CYP2C18: variants seen among roughly 807,000 people sequenced by gnomAD.
CYP2C18 encodes cytochrome P450 2C18.
In CYP2C18, 38 loss-of-function variants were observed where a neutral mutation model predicts 41.3. That is an observed-to-expected ratio of 0.92 (90% CI 0.71 to 1.21). The LOEUF (loss-of-function observed/expected upper bound fraction) is 1.21, where lower values mean the gene tolerates loss of function less well. Ranked by LOEUF, CYP2C18 falls within the 50% of genes most tolerant of loss-of-function variation. The pLI is 0.00. For synonymous variants in CYP2C18, 236 were observed against 210.0 expected, an observed-to-expected ratio of 1.12 and a Z score of -1.07; for missense variants, 635 against 591.4, an observed-to-expected ratio of 1.07 and a Z score of -0.77.
chr10:94,721,147 G>A (rs1419863322), intron 6 of CYP2C18, among the ~76,000 whole-genome samples: 3 of 152,008 alleles, frequency 2.0e-5, no homozygotes, highest in Non-Finnish European at 2.9e-5. Flanking sequence ...CTGAGTAGCT[G>A]GGATTACAGG....
chr10:94,735,029 G>C (rs917802638), intron 8 of CYP2C18, among the ~76,000 whole-genome samples: 1 of 152,166 alleles, frequency 6.6e-6, no homozygotes, highest in Non-Finnish European at 1.5e-5. Flanking sequence ...GCATGGCATA[G>C]AGCTGATACT....
intron 5 of CYP2C18, among the ~76,000 whole-genome samples, chr10:94,713,968 T>G (rs1847493942): frequency 6.6e-6 from 1 of 152,246 alleles, no homozygotes; most frequent in Non-Finnish European, 1.5e-5. Flanking sequence ...GTTGGCTGCA[T>G]AAATGTCTTC....
chr10:94,729,724 C>T (rs74152346), intron 7 of CYP2C18, among the ~76,000 whole-genome samples: 3,843 of 152,198 alleles, frequency 0.025, 150 homozygotes, highest in African/African-American at 0.075. Flanking sequence ...CTGAAAGGAA[C>T]ACCAGCATGA....
intron 1 of CYP2C18, 26 bp downstream of exon 1, chr10:94,684,013 TA>T (rs1846836914): frequency 6.4e-7 from 1 of 1,551,190 alleles, no homozygotes; most frequent in Non-Finnish European, 8.8e-7. Context: ...GTTCCTCCAG[TA>T]ATGTACAAGG....
intron 5 of CYP2C18, among the ~76,000 whole-genome samples, chr10:94,716,881 T>C (rs1409271643): frequency 6.6e-6 from 1 of 152,198 alleles, no homozygotes. Context: ...TGGGTGCATA[T>C]ATATTTAGGA....
chr10:94,712,008 A>ATTTTTTTTTTTTTTTTTTTGTTTTTT (rs1847444596), intron 5 of CYP2C18, among the ~76,000 whole-genome samples: 1 of 97,874 alleles, frequency 1.0e-5, no homozygotes, highest in African/African-American at 4.3e-5. Context: ...TGCCCAACTA[A>ATTTTTTTTTTTTTTTTTTTGTTTTTT]TTTTTTTTTT....
chr10:94,717,543 A>G lies in CYP2C18; in HGVS notation c.820-2853A>G, dbSNP rs748971198. Among the ~76,000 whole-genome samples, 36 of 152,040 alleles carry G rather than the reference A, an allele frequency of 2.4e-4. 1 individual carries two copies. The highest frequency in any genetic ancestry group is 2.9e-5 in the Non-Finnish European group (2 of 67,988). Reference sequence around the variant, plus strand: ...CTTCTGGCTTGTATTGCCCAGATCAATGTCCTGTAGTTTTTCCTCAATCTT... The same window carrying G: ...CTTCTGGCTTGTATTGCCCAGATCAGTGTCCTGTAGTTTTTCCTCAATCTT... On this transcript the variant is annotated intron_variant, in intron 5 of 8. Transcript: ENST00000285979.
At chr10:94,706,653 A>G (rs979471783) in intron 4 of CYP2C18, 131 bp from the exon 5 acceptor site, 4 of 567,196 alleles carry the variant, frequency 7.1e-6, no homozygotes, top group Non-Finnish European at 1.2e-5. Context: ...CTTTGTACGT[A>G]TAATCAAATG....
At chr10:94,718,185 A>G (rs1261575055) in intron 5 of CYP2C18, among the ~76,000 whole-genome samples, 2 of 151,938 alleles carry the variant, frequency 1.3e-5, no homozygotes, top group Non-Finnish European at 2.9e-5. Flanking sequence ...GTACTCCTAA[A>G]TACTTTATTT....
chr10:94,712,903 A>C (rs926281714), intron 5 of CYP2C18, among the ~76,000 whole-genome samples: 3 of 152,034 alleles, frequency 2.0e-5, no homozygotes, highest in African/African-American at 7.2e-5. Context: ...GTGATAGCTC[A>C]TTGTGTTTTT....
rs953407131 is a variant in CYP2C18, at chr10:94,694,860, A to G, written c.482-57A>G. 1.0e-4 allele frequency: 159 copies of G among 1,554,732 alleles called. 2 individuals are homozygous for G. Among genetic ancestry groups the G allele is most frequent in the Middle Eastern group, 7.0e-4 (3 of 4,264 alleles). On this transcript the variant is annotated intron_variant, in intron 3 of 8. Coordinates refer to ENST00000285979, the MANE Select transcript of CYP2C18 (RefSeq NM_000772.3). ...AAAAATACTTTTTCCTGTATCAAAG[A>G]CAAAGTATTTTATATGTATATTTTA...
In CYP2C18 at chr10:94,683,925, C is replaced by G. The variant is rs750507400; in HGVS notation, c.106C>G (p.Leu36Val). The G allele has an allele frequency of 6.2e-7, 1 of 1,610,740 alleles. No individual in the cohort carries two copies. Among genetic ancestry groups the G allele is most frequent in the Non-Finnish European group, 8.5e-7 (1 of 1,178,474 alleles). Residue 36 changes from leucine to valine, a missense_variant, in exon 1 of 9, where the codon CTC (leucine) becomes GTC (valine). Coordinates refer to ENST00000285979, the MANE Select transcript of CYP2C18 (RefSeq NM_000772.3). ...GAGGCTCCCGTCTGGCCCCACTCCT[C>G]TCCCGATTATTGGAAATATCCTGCA... ...RGRLPSGPTP[L>V]PIIGNILQLD...
chr10:94,694,259 T>G (rs904079131), intron 3 of CYP2C18, among the ~76,000 whole-genome samples: 1 of 152,204 alleles, frequency 6.6e-6, no homozygotes, highest in Admixed American at 6.5e-5. Flanking sequence ...TTTTTCTGTC[T>G]GCTCTATTTG....
intron 4 of CYP2C18, among the ~76,000 whole-genome samples, chr10:94,704,711 C>T (rs990838836): frequency 1.4e-4 from 21 of 152,220 alleles, no homozygotes; most frequent in African/African-American, 4.3e-4. Context: ...TAGCCTGTCC[C>T]GCTCTGGGCA....
chr10:94,711,378 A>G (rs897959434), intron 5 of CYP2C18, among the ~76,000 whole-genome samples: 1 of 152,120 alleles, frequency 6.6e-6, no homozygotes, highest in East Asian at 1.9e-4. Flanking sequence ...CCGAGTTCAT[A>G]ATGAGTCTGC....
intron 5 of CYP2C18, among the ~76,000 whole-genome samples, chr10:94,717,811 G>A (rs1847579093): frequency 6.6e-6 from 1 of 152,190 alleles, no homozygotes; most frequent in Middle Eastern, 3.4e-3. Flanking sequence ...GTTGGTTGAT[G>A]TGTCCATTTT....
At chr10:94,709,786 A>T (rs1161931394) in intron 5 of CYP2C18, among the ~76,000 whole-genome samples, 1 of 152,088 alleles carries the variant, frequency 6.6e-6, no homozygotes, top group Non-Finnish European at 1.5e-5. Context: ...TTATAGTGTG[A>T]GGTATGGGTA....
chr10:94,695,153 A>G, intron 4 of CYP2C18, 76 bp downstream of exon 4: 1 of 1,315,608 alleles, frequency 7.6e-7, no homozygotes, highest in Non-Finnish European at 1.0e-6. Flanking sequence ...TTAATTTTTT[A>G]AAATTATACT....
chr10:94,735,063 G>C (rs1258820680), intron 8 of CYP2C18, among the ~76,000 whole-genome samples, 200 bp from the exon 9 acceptor site: 1 of 151,882 alleles, frequency 6.6e-6, no homozygotes, highest in East Asian at 1.9e-4. Context: ...TTGAGTGAAG[G>C]GTGCCTAGTA....
Sources: gnomAD v4.1 joint callset for allele counts (sites outside exome capture counted in the v4.1 genomes callset) on GRCh38, gnomAD v4.1.1 for gene constraint, MANE v1.5 for transcripts, NCBI Gene and HGNC (gene_info 2026-07-23, HGNC 2026-07-21) for gene names.